Variants in NFKBIL1 observed in about 807,000 individuals in gnomAD.
NFKBIL1 encodes the protein NF-kappa-B inhibitor-like protein 1.
A neutral mutation model predicts 45.4 loss-of-function variants in NFKBIL1; 30 were observed. The observed-to-expected ratio is 0.66, with a 90% confidence interval of 0.49 to 0.90. The LOEUF is 0.90. Among genes scored for constraint, NFKBIL1 ranks in the 40% least tolerant of loss-of-function variants. The pLI, the probability that NFKBIL1 is intolerant of heterozygous loss-of-function variation, is 0.00. For missense variants in NFKBIL1, 434 were observed against 513.4 expected, an observed-to-expected ratio of 0.85 and a Z score of 1.49; for synonymous variants, 179 against 197.3, an observed-to-expected ratio of 0.91 and a Z score of 0.78.
At chr6:31,556,837 T>C in intron 2 of NFKBIL1, 1 of 442,980 alleles carries the variant, frequency 2.3e-6, no homozygotes, top group East Asian at 7.1e-5. Flanking sequence ...CTCAGTTTAT[T>C]GATAAGTGAT....
rs1237035526 is a variant in NFKBIL1 at position 31,558,296 on chromosome 6, C to G, written c.831C>G (p.Thr277=). ...TAGGGGACCGAGAACCCAAGCCAAC[C>G]AGGGCCGGGCCCAGGGAAGAGCACC... ...EALGDREPKP[T]RAGPREEHPR... The change falls in exon 4 of 4, where the codon ACC becomes ACG. Residue 277 remains threonine (T), a synonymous_variant. Coordinates refer to ENST00000376148, the MANE Select transcript of NFKBIL1 (RefSeq NM_005007.4). The surrounding 1 kb of genome is among the most constrained non-coding windows in gnomAD (Gnocchi z 7.2). 1 of 1,581,214 alleles carries G rather than the reference C, an allele frequency of 6.3e-7. No individual in the cohort carries two copies. Among genetic ancestry groups the G allele is most frequent in the Non-Finnish European group, 8.6e-7 (1 of 1,163,580 alleles).
chr6:31,550,972 C>T (rs936030873), intron 2 of NFKBIL1, among the ~76,000 whole-genome samples: 2 of 152,338 alleles, frequency 1.3e-5, no homozygotes, highest in South Asian at 4.1e-4. Flanking sequence ...AGGCGTGAGC[C>T]ACCGCGCTCA....
intron 2 of NFKBIL1, among the ~76,000 whole-genome samples, chr6:31,556,060 T>A (rs1464157730): frequency 6.6e-6 from 1 of 152,038 alleles, no homozygotes; most frequent in African/African-American, 2.4e-5. Context: ...GAGGCCCTAC[T>A]CCTTAAAACC....
Position 31,547,712 on chromosome 6 carries a change from C to G in NFKBIL1, c.18C>G (p.Pro6=). Residue 6 remains proline, a synonymous_variant, in exon 1 of 4, where the codon CCC becomes CCG. Coordinates refer to ENST00000376148, the MANE Select transcript of NFKBIL1 (RefSeq NM_005007.4). The stretch of plus-strand genomic sequence containing the variant: ...CAGGTCTGATGAGTAACCCCTCCCC[C>G]CAGGTTCCAGAGGAAGAAGCCTCCA... MSNPS[P]QVPEEEASTS... 6.2e-7 allele frequency: 1 copy of G among 1,612,286 alleles called. No homozygotes were observed. Among genetic ancestry groups the G allele is most frequent in the Non-Finnish European group, 8.5e-7 (1 of 1,179,572 alleles).
At chr6:31,548,539 G>T in intron 2 of NFKBIL1, 100 bp downstream of exon 2, 1 of 1,308,984 alleles carries the variant, frequency 7.6e-7, no homozygotes, top group Non-Finnish European at 9.9e-7. Flanking sequence ...TTGGTCATCA[G>T]GACCTAGGGA....
chr6:31,555,235 C>CTTTTTT (rs9279346), intron 2 of NFKBIL1, among the ~76,000 whole-genome samples: 25 of 125,188 alleles, frequency 2.0e-4, no homozygotes, highest in Middle Eastern at 4.1e-3. Context: ...TATTTTTTTT[C>CTTTTTT]TTTTTTTTTT....
intron 2 of NFKBIL1, among the ~76,000 whole-genome samples, chr6:31,556,367 G>A (rs1769741040): frequency 6.6e-6 from 1 of 152,116 alleles, no homozygotes; most frequent in Admixed American, 6.6e-5. Flanking sequence ...GTACTTTCCA[G>A]CACTACCAAA....
At chr6:31,547,565 C>T (rs1178732312), upstream of NFKBIL1, 3 of 564,100 alleles carry the variant, frequency 5.3e-6, no homozygotes, top group African/African-American at 3.9e-5. Context: ...CCTCCACCTG[C>T]GTCTCTGCTT....
In NFKBIL1 at chr6:31,548,407, C is replaced by G; in HGVS notation, c.302C>G (p.Ala101Gly). The G allele has an allele frequency of 6.6e-7, 1 of 1,525,664 alleles. No individual in the cohort carries two copies. Among genetic ancestry groups the G allele is most frequent in the Non-Finnish European group, 8.8e-7 (1 of 1,141,646 alleles). The allele number at this position is 1,525,664 out of a possible 1,614,324, so 94.5% of individuals were successfully genotyped here. A position where few individuals can be genotyped will look rare whatever the true frequency, so the allele number is the denominator to read the frequency against. Residue 101 changes from alanine (A) to glycine (G), a missense_variant, in exon 2 of 4, where the codon GCA becomes GGA. By Grantham distance (60) the Ala-to-Gly change is moderately conservative (BLOSUM62 0). Transcript: ENST00000376148. ...PAHQDRHGDT[A>G]LHAAARQGPD... Reference sequence around the variant, plus strand: ...CACCAGGACCGCCATGGGGACACGGCACTGCATGCTGCTGCCCGCCAGGGC... The same window carrying G: ...CACCAGGACCGCCATGGGGACACGGGACTGCATGCTGCTGCCCGCCAGGGC...
At position 31,557,483 on chromosome 6, in the gene NFKBIL1, C is replaced by T; in HGVS notation, c.335-145C>T. 2.0e-6 allele frequency: 1 copy of T among 508,918 alleles called. No individual in the cohort carries two copies. The highest frequency in any genetic ancestry group is 3.4e-6 in the Non-Finnish European group (1 of 294,896). The allele number at this position is 508,918 out of a possible 1,614,324, so 31.5% of individuals were successfully genotyped here. A position where few individuals can be genotyped will look rare whatever the true frequency, so the allele number is the denominator to read the frequency against. On this transcript the variant is annotated intron_variant, in intron 2 of 3. Coordinates refer to ENST00000376148, the MANE Select transcript of NFKBIL1 (RefSeq NM_005007.4). The surrounding 1 kb of genome is among the most constrained non-coding windows in gnomAD (Gnocchi z 5.4). Reference sequence around the variant, plus strand: ...CTGTATTTATCAGTGATGGTTATTTCCTAATACCCAGGAGGCATCCATGTG... The same window carrying T: ...CTGTATTTATCAGTGATGGTTATTTTCTAATACCCAGGAGGCATCCATGTG...
rs1289784375 is a variant in NFKBIL1 at position 31,557,861 on chromosome 6, A to C, written c.556+12A>C. On this transcript the variant is annotated intron_variant, in intron 3 of 3. Transcript: ENST00000376148. The surrounding 1 kb of genome is among the most constrained non-coding windows in gnomAD (Gnocchi z 5.4). ...GGGGAGGTTTGAAGGTGAGAAGTCC[A>C]CTGCTATCCACAGCTGCCCTTCCCC... 6.4e-7 allele frequency: 1 copy of C among 1,571,812 alleles called. No homozygotes were observed. The highest frequency in any genetic ancestry group is 2.3e-5 in the East Asian group (1 of 44,314).
Position 31,557,547 on chromosome 6 carries a change from G to T in NFKBIL1, c.335-81G>T. 4 of 1,182,868 alleles carry T rather than the reference G, an allele frequency of 3.4e-6. No homozygotes were observed. Among genetic ancestry groups the T allele is most frequent in the South Asian group, 3.6e-5 (2 of 55,796 alleles). 73.3% of individuals were successfully genotyped at this position (1,182,868 alleles called of 1,614,324 possible). On this transcript the variant is annotated intron_variant, in intron 2 of 3. Coordinates refer to ENST00000376148, the MANE Select transcript of NFKBIL1 (RefSeq NM_005007.4). The surrounding 1 kb of genome is among the most constrained non-coding windows in gnomAD (Gnocchi z 5.4). ...TTGCTTTAAGACCAAGGGAGCGAGT[G>T]ACCAGCAGGATTCAAGATGGCAGCT... is the stretch of plus-strand genomic sequence containing the variant.
Position 31,548,407 on chromosome 6 carries a change from C to T in NFKBIL1, c.302C>T (p.Ala101Val). The T allele has an allele frequency of 6.6e-7, 1 of 1,525,664 alleles. No homozygotes were observed. The highest frequency in any genetic ancestry group is 1.4e-5 in the African/African-American group (1 of 72,738). 94.5% of individuals were successfully genotyped at this position (1,525,664 alleles called of 1,614,324 possible). ...PAHQDRHGDT[A>V]LHAAARQGPD... ...CACCAGGACCGCCATGGGGACACGG[C>T]ACTGCATGCTGCTGCCCGCCAGGGC... The change falls in exon 2 of 4, where the codon GCA (alanine) becomes GTA (valine). Residue 101 changes from alanine to valine, a missense_variant. By Grantham distance (64) the Ala-to-Val change is moderately conservative. Coordinates refer to ENST00000376148, the MANE Select transcript of NFKBIL1 (RefSeq NM_005007.4).
In NFKBIL1 at chr6:31,557,145, TCAC is replaced by T. The variant is rs1769786558; in HGVS notation, c.335-481_335-479del. On this transcript the variant is annotated intron_variant, in intron 2 of 3. Transcript: ENST00000376148. The surrounding 1 kb of genome is among the most constrained non-coding windows in gnomAD (Gnocchi z 5.4). ...TTTTTTGAGACGGAGTCTTGCTCTG[TCAC>T]CTAGGCTGGAGTGCAGTGGCACGAT... Among the ~76,000 whole-genome samples the T allele has an allele frequency of 1.3e-5, 2 of 149,730 alleles. No homozygotes were observed. The highest frequency in any genetic ancestry group is 4.9e-5 in the African/African-American group (2 of 40,480).
intron 2 of NFKBIL1, among the ~76,000 whole-genome samples, chr6:31,553,708 G>T (rs1403305308): frequency 1.3e-5 from 2 of 152,240 alleles, no homozygotes; most frequent in African/African-American, 4.8e-5. Context: ...CTGTCACCCA[G>T]GCTGGAGTCC....
chr6:31,552,315 C>T (rs940681807), intron 2 of NFKBIL1, among the ~76,000 whole-genome samples: 1 of 152,064 alleles, frequency 6.6e-6, no homozygotes, highest in African/African-American at 2.4e-5. Flanking sequence ...TTCTGTCGCC[C>T]AGGCTGGAGT....
chr6:31,552,437 G>A (rs894885142), intron 2 of NFKBIL1, among the ~76,000 whole-genome samples: 1 of 151,702 alleles, frequency 6.6e-6, no homozygotes, highest in Non-Finnish European at 1.5e-5. Flanking sequence ...GTAGGCGTAT[G>A]CCACCACGCC....
Position 31,557,955 on chromosome 6 carries a change from G to T in NFKBIL1, c.557-67G>T. The stretch of plus-strand genomic sequence containing the variant: ...TCTGCCCCCTCCTCTGTGCTTCCCT[G>T]CTTCTTGGGGCCCATCACCTTCTCA... On this transcript the variant is annotated intron_variant, in intron 3 of 3. Transcript: ENST00000376148. This position sits in a 1 kb window ranked among gnomAD's most constrained non-coding sequence, Gnocchi z 5.4. 2.0e-6 allele frequency: 3 copies of T among 1,498,182 alleles called. No individual in the cohort carries two copies. The highest frequency in any genetic ancestry group is 1.8e-6 in the Non-Finnish European group (2 of 1,111,594). 92.8% of individuals were successfully genotyped at this position (1,498,182 alleles called of 1,614,324 possible).
intron 2 of NFKBIL1, among the ~76,000 whole-genome samples, chr6:31,553,559 C>T (rs1769557003): frequency 6.6e-6 from 1 of 152,160 alleles, no homozygotes. Context: ...ATTTTATTTC[C>T]TTAAAATAAA....
Sources: allele counts gnomAD v4.1 joint callset (sites outside exome capture counted in the v4.1 genomes callset), GRCh38; gene constraint gnomAD v4.1.1; non-coding constraint Gnocchi (gnomAD v3.1); transcripts MANE v1.5; gene names NCBI Gene and HGNC (gene_info 2026-07-23, HGNC 2026-07-21).